The following ENTPD3 variants were observed in gnomAD, a reference collection of about 807,000 sequenced individuals.
The protein encoded by ENTPD3 is ectonucleoside triphosphate diphosphohydrolase 3, also known as CD39 antigen-like 3.
Under a neutral mutation model 51.2 loss-of-function variants are expected in ENTPD3, and 60 were observed. The observed-to-expected ratio is 1.17, with a 90% CI of 0.95 to 1.45. The LOEUF (loss-of-function observed/expected upper bound fraction) is 1.45. Ranked by LOEUF, ENTPD3 falls within the 40% of genes most tolerant of loss-of-function variation. The pLI is 0.00. For synonymous variants in ENTPD3, 221 were observed against 238.4 expected (o/e 0.93, Z 0.67); for missense variants, 593 against 641.1 (o/e 0.93, Z 0.81).
chr3:40,411,181 C>G (rs1327751974), intron 4 of ENTPD3, among the ~76,000 whole-genome samples: 1 of 151,340 alleles, frequency 6.6e-6, no homozygotes, highest in Non-Finnish European at 1.5e-5. Flanking sequence ...ATTCCAGCTA[C>G]TCATGAAACT....
chr3:40,423,214 T>C, intron 8 of ENTPD3, 77 bp from the exon 9 acceptor site: 1 of 1,549,688 alleles, frequency 6.5e-7, no homozygotes, highest in Non-Finnish European at 8.8e-7. Flanking sequence ...TTAGCCACCT[T>C]CTTATTCCTC....
At chr3:40,400,826 GC>G in intron 3 of ENTPD3, 67 bp from the exon 4 acceptor site, 1 of 1,171,660 alleles carries the variant, frequency 8.5e-7, no homozygotes, top group Non-Finnish European at 1.3e-6. Context: ...GTTCTCAGTG[GC>G]CCACTGAGAA....
rs778585189 is a variant in ENTPD3 at position 40,411,895 on chromosome 3, G to T, written c.370G>T (p.Val124Phe). 15 of 1,612,694 alleles carry T rather than the reference G, an allele frequency of 9.3e-6. No homozygotes were observed. Among genetic ancestry groups the T allele is most frequent in the Non-Finnish European group, 1.1e-5 (13 of 1,179,520 alleles). ...GTGTATGCAAAAAGTCAAGGGGCAG[G>T]TTCCATCCCACCTCCACGGATCCAC... ...EECMQKVKGQ[V>F]PSHLHGSTPI... The change falls in exon 5 of 11, where the codon GTT (valine) becomes TTT (phenylalanine). Residue 124 changes from valine (V) to phenylalanine (F), a missense_variant. Physicochemically the swap from Val to Phe is conservative, Grantham distance 50. Transcript: ENST00000301825.
chr3:40,424,820 G>C (rs1353164198), intron 10 of ENTPD3: 2 of 700,988 alleles, frequency 2.9e-6, no homozygotes, highest in Non-Finnish European at 5.2e-6. Context: ...TTCAATACCA[G>C]CTTCAGCAAT....
At chr3:40,406,044 C>T (rs541720205) in intron 4 of ENTPD3, among the ~76,000 whole-genome samples, 1 of 151,884 alleles carries the variant, frequency 6.6e-6, no homozygotes, top group East Asian at 1.9e-4. Context: ...GGAAGATAGA[C>T]AAAAAAATAA....
At chr3:40,398,957 C>A (rs996876395) in intron 3 of ENTPD3, among the ~76,000 whole-genome samples, 3 of 152,138 alleles carry the variant, frequency 2.0e-5, no homozygotes, top group Non-Finnish European at 4.4e-5. Context: ...GGTAGCTCAT[C>A]CCTGTAATAC....
In ENTPD3 at chr3:40,424,900, G is replaced by T. The variant is rs1955953423; in HGVS notation, c.1353+937G>T. ...TCTACTTTTACATAAATAAAATTGA[G>T]TCATCTACAAAAAAATAAGGATGTC... On this transcript the variant is annotated intron_variant, in intron 10 of 10. Coordinates refer to ENST00000301825, the MANE Select transcript of ENTPD3 (RefSeq NM_001248.4). 6 of 653,214 alleles carry T rather than the reference G, an allele frequency of 9.2e-6. 1 individual carries two copies. In the South Asian group the frequency reaches 9.4e-5, roughly 10 times the overall value. 40.5% of individuals were successfully genotyped at this position (653,214 alleles called of 1,614,324 possible). A position where few individuals can be genotyped will look rare whatever the true frequency, so the allele number is the denominator to read the frequency against.
chr3:40,422,089 T>C (rs192058844), intron 7 of ENTPD3, among the ~76,000 whole-genome samples: 7 of 151,990 alleles, frequency 4.6e-5, no homozygotes, highest in Admixed American at 4.6e-4. Context: ...CTGGATCAGA[T>C]AATGTGAGAG....
chr3:40,388,705 A>G lies in ENTPD3; in HGVS notation c.40+608A>G, dbSNP rs1297525381. On this transcript the variant is annotated intron_variant, in intron 2 of 10. Transcript: ENST00000301825. ...AGCCCAGAAGGCTCTGGCTTCTCCA[A>G]GCTCAGGTAGGTACCTTGCAATTAC... 7.9e-5 allele frequency among the ~76,000 whole-genome samples: 12 copies of G among 152,056 alleles called. No homozygotes were observed. In the East Asian group the frequency reaches 2.3e-3, roughly 29 times the overall value.
intron 1 of ENTPD3, among the ~76,000 whole-genome samples, chr3:40,387,761 A>T (rs1410325587): frequency 5.3e-5 from 8 of 152,186 alleles, no homozygotes; most frequent in Non-Finnish European, 1.2e-4. Context: ...GGGTGTGTGT[A>T]CAGGTGGAAC....
rs774038736 is a variant in ENTPD3 at position 40,423,103 on chromosome 3, A to C, written c.1085A>C (p.Lys362Thr). 6.2e-7 allele frequency: 1 copy of C among 1,612,920 alleles called. No individual in the cohort carries two copies. The highest frequency in any genetic ancestry group is 8.5e-7 in the Non-Finnish European group (1 of 1,179,236). Residue 362 changes from lysine to threonine, a missense_variant, in exon 8 of 11, where the codon AAG becomes ACG. Physicochemically the swap from Lys to Thr is moderately conservative, Grantham distance 78. Transcript: ENST00000301825. Reference sequence around the variant, plus strand: ...TCTTTTGATGGGGTTTATCAGCCAAAGATTAAAGGGCCATTTGTGGTAAGA... The same window carrying C: ...TCTTTTGATGGGGTTTATCAGCCAACGATTAAAGGGCCATTTGTGGTAAGA... ...TCSFDGVYQPKIKGPFVAFAG... is the reference protein window; with the variant it reads ...TCSFDGVYQPTIKGPFVAFAG...
At chr3:40,403,722 G>A (rs1331601599) in intron 4 of ENTPD3, among the ~76,000 whole-genome samples, 2 of 149,034 alleles carry the variant, frequency 1.3e-5, no homozygotes, top group Non-Finnish European at 3.0e-5. Context: ...GCACAATCAT[G>A]GCTCGCTGCA....
rs780660131 is a variant in ENTPD3 at position 40,422,905 on chromosome 3, T to A, written c.887T>A (p.Ile296Asn). The change falls in exon 8 of 11, where the codon ATC becomes AAC. Residue 296 changes from isoleucine to asparagine, a missense_variant. Transcript: ENST00000301825. ...TNPCYPRDYS[I>N]SFTMGHVFDS... ...CCCTGTTACCCTCGGGATTATAGCA[T>A]CAGCTTCACCATGGGCCATGTATTT... 3.1e-6 allele frequency: 5 copies of A among 1,613,898 alleles called. No individual in the cohort carries two copies. Among genetic ancestry groups the A allele is most frequent in the Admixed American group, 1.7e-5 (1 of 60,000 alleles).
intron 3 of ENTPD3, among the ~76,000 whole-genome samples, chr3:40,399,289 T>C (rs1955286627): frequency 6.6e-6 from 1 of 152,206 alleles, no homozygotes; most frequent in African/African-American, 2.4e-5. Context: ...AGGGATGCTT[T>C]GTTTTCTTTT....
chr3:40,404,740 T>C (rs907286561), intron 4 of ENTPD3, among the ~76,000 whole-genome samples: 1 of 152,162 alleles, frequency 6.6e-6, no homozygotes, highest in African/African-American at 2.4e-5. Flanking sequence ...CCTCAAAGGC[T>C]TGTGGCTTCT....
chr3:40,419,742 T>C (rs985170750), intron 7 of ENTPD3, among the ~76,000 whole-genome samples: 1 of 152,230 alleles, frequency 6.6e-6, no homozygotes, highest in Non-Finnish European at 1.5e-5. Flanking sequence ...ATTTTCTTTG[T>C]GTATATTTTT....
intron 4 of ENTPD3, among the ~76,000 whole-genome samples, chr3:40,411,581 C>T (rs145743711): frequency 2.8e-3 from 420 of 152,194 alleles, no homozygotes; most frequent in African/African-American, 9.6e-3. Flanking sequence ...ATAATGAAAA[C>T]ATTTTTTTAA....
chr3:40,414,385 G>A (rs1955697254), intron 5 of ENTPD3, among the ~76,000 whole-genome samples: 2 of 152,130 alleles, frequency 1.3e-5, no homozygotes, highest in South Asian at 2.1e-4. Flanking sequence ...AGTTAAATAG[G>A]AGGCTCTTTT....
intron 3 of ENTPD3, among the ~76,000 whole-genome samples, chr3:40,400,677 A>G (rs1955332591): frequency 6.6e-6 from 1 of 152,118 alleles, no homozygotes; most frequent in Non-Finnish European, 1.5e-5. Context: ...CAAAGTGATA[A>G]TTATTTCCTA....
Sources: allele counts gnomAD v4.1 joint callset (sites outside exome capture counted in the v4.1 genomes callset), GRCh38; gene constraint gnomAD v4.1.1; transcripts MANE v1.5; gene names NCBI Gene and HGNC (gene_info 2026-07-23, HGNC 2026-07-21).